NFKBID: variants seen among roughly 807,000 people sequenced by gnomAD.
The protein encoded by NFKBID is NFKB inhibitor delta.
In NFKBID, 26 loss-of-function variants were observed where a neutral mutation model predicts 53.4. That is an observed-to-expected ratio of 0.49 (90% CI 0.36 to 0.68). The LOEUF (loss-of-function observed/expected upper bound fraction) is 0.68. NFKBID is among the 30% of genes least tolerant of loss of function. The pLI is 0.00. For synonymous variants in NFKBID, 262 were observed against 259.8 expected (o/e 1.01, Z -0.08); for missense variants, 493 against 614.1 (o/e 0.80, Z 2.08).
intron 9 of NFKBID, among the ~76,000 whole-genome samples, chr19:35,892,561 T>A (rs200197429): frequency 0.013 from 1,892 of 147,754 alleles, 24 homozygotes; most frequent in East Asian, 0.07. Context: ...AAAAAAAAAT[T>A]ATTTGTCCTT....
exon 2 of NFKBID, chr19:35,898,737 G>A: frequency 6.5e-7 from 1 of 1,535,942 alleles, no homozygotes; most frequent in Non-Finnish European, 8.7e-7. Flanking sequence ...CGCCAGCGTC[G>A]GGCTGCTGCT....
At chr19:35,899,153 G>A (rs1017443879) in intron 1 of NFKBID, among the ~76,000 whole-genome samples, 5 of 152,138 alleles carry the variant, frequency 3.3e-5, no homozygotes, top group African/African-American at 1.2e-4. Context: ...TCCAAGTTTT[G>A]AAGTCAGCGG....
In NFKBID at chr19:35,896,596, G is replaced by A; in HGVS notation, c.685-58C>T. 1.3e-6 allele frequency: 2 copies of A among 1,595,750 alleles called. No individual in the cohort carries two copies. The highest frequency in any genetic ancestry group is 2.2e-5 in the South Asian group (2 of 90,410). On this transcript the variant is annotated intron_variant, in intron 6 of 11. Transcript: ENST00000641389. The surrounding 1 kb of genome is among the most constrained non-coding windows in gnomAD (Gnocchi z 5.7). ...CTGGTTCCCTCCCGTCAGAAAACCA[G>A]GCTCCCAGCCCCATCCCCCCTCAGC...
At chr19:35,901,807 C>G (rs188935831), upstream of NFKBID, 4 of 228,976 alleles carry the variant, frequency 1.7e-5, no homozygotes, top group Admixed American at 5.3e-5. Context: ...GTGATCCCCC[C>G]ACCTTGGCCT....
intron 9 of NFKBID, chr19:35,890,799 G>C (rs565841179): frequency 2.6e-6 from 1 of 379,340 alleles, no homozygotes. Context: ...AGGAGTTCAC[G>C]GCTGCAGTGG....
At chr19:35,899,764 G>T (rs1975443073) in intron 1 of NFKBID, 1 of 151,954 alleles carries the variant, frequency 6.6e-6, no homozygotes, top group Non-Finnish European at 1.5e-5. Flanking sequence ...GCGGGGCGGG[G>T]GCGGGAGGAG....
At chr19:35,895,204 A>C (rs1975051484) in intron 9 of NFKBID, among the ~76,000 whole-genome samples, 1 of 151,668 alleles carries the variant, frequency 6.6e-6, no homozygotes, top group Non-Finnish European at 1.5e-5. Flanking sequence ...GGCCAGGCAC[A>C]GTGGCTCACG....
intron 9 of NFKBID, among the ~76,000 whole-genome samples, chr19:35,891,007 C>T (rs1974728729): frequency 6.6e-6 from 1 of 152,192 alleles, no homozygotes; most frequent in South Asian, 2.1e-4. Context: ...CAGAACTGTA[C>T]ATTTCTCATG....
At chr19:35,894,841 A>G (rs1975017267) in intron 9 of NFKBID, among the ~76,000 whole-genome samples, 1 of 151,800 alleles carries the variant, frequency 6.6e-6, no homozygotes, top group Admixed American at 6.6e-5. Flanking sequence ...TAAAAATACA[A>G]AATTAGCTGG....
At chr19:35,894,561 G>A (rs1974998838) in intron 9 of NFKBID, among the ~76,000 whole-genome samples, 1 of 152,126 alleles carries the variant, frequency 6.6e-6, no homozygotes, top group Non-Finnish European at 1.5e-5. Flanking sequence ...TGCCACGCAT[G>A]GTGGTGCATG....
chr19:35,901,014 G>A (rs1568500059), upstream of NFKBID, among the ~76,000 whole-genome samples: 1 of 151,758 alleles, frequency 6.6e-6, no homozygotes, highest in Non-Finnish European at 1.5e-5. Flanking sequence ...TGTATTTTTA[G>A]GAGAGATGGG....
chr19:35,901,015 G>T (rs370937393), upstream of NFKBID, among the ~76,000 whole-genome samples: 7 of 151,684 alleles, frequency 4.6e-5, no homozygotes, highest in East Asian at 1.2e-3. Flanking sequence ...GTATTTTTAG[G>T]AGAGATGGGG....
At chr19:35,890,161 C>T (rs1974658380) in intron 10 of NFKBID, 107 bp from the exon 11 acceptor site, 6 of 1,198,948 alleles carry the variant, frequency 5.0e-6, no homozygotes, top group Middle Eastern at 2.0e-4. Flanking sequence ...TGTCCTTTCA[C>T]ATCCCAGACC....
At chr19:35,888,690 G>C in intron 11 of NFKBID, 78 bp from the exon 12 acceptor site, 1 of 1,092,790 alleles carries the variant, frequency 9.2e-7, no homozygotes, top group Non-Finnish European at 1.4e-6. Context: ...TGCAGAGGGA[G>C]GGGCTAGAGA....
At chr19:35,893,544 C>T (rs1035385682) in intron 9 of NFKBID, among the ~76,000 whole-genome samples, 1 of 152,088 alleles carries the variant, frequency 6.6e-6, no homozygotes, top group Non-Finnish European at 1.5e-5. Flanking sequence ...TGAGAGGCCA[C>T]GCACAGTGGC....
chr19:35,895,479 C>A (rs1975074951), intron 9 of NFKBID, among the ~76,000 whole-genome samples: 1 of 149,964 alleles, frequency 6.7e-6, no homozygotes, highest in South Asian at 2.1e-4. Context: ...CAGAGTGAGA[C>A]CCTGTCTCAA....
At chr19:35,899,965 A>G (rs1320670700) in intron 1 of NFKBID, among the ~76,000 whole-genome samples, 2 of 146,998 alleles carry the variant, frequency 1.4e-5, no homozygotes, top group East Asian at 2.1e-4. Flanking sequence ...ACGGGTGGCC[A>G]TCCGGAAATC....
chr19:35,888,223 G>A (rs1974522681), downstream of NFKBID: 1 of 287,220 alleles, frequency 3.5e-6, no homozygotes, highest in East Asian at 8.9e-5. Context: ...GATTACATCT[G>A]GGTTTCTGGG....
exon 4 of NFKBID, chr19:35,897,679 T>C: frequency 6.2e-7 from 1 of 1,606,576 alleles, no homozygotes; most frequent in Non-Finnish European, 8.5e-7. Flanking sequence ...TGGGCACGGC[T>C]GCCCTGGGTC....
Sources: allele counts gnomAD v4.1 joint callset (sites outside exome capture counted in the v4.1 genomes callset), GRCh38; gene constraint gnomAD v4.1.1; non-coding constraint Gnocchi (gnomAD v3.1); transcripts MANE v1.5; gene names NCBI Gene and HGNC (gene_info 2026-07-23, HGNC 2026-07-21).